Variants in KNTC1 observed in about 807,000 individuals in gnomAD.
KNTC1 encodes kinetochore associated 1, also known as kinetochore-associated protein 1.
KNTC1 carries 253 observed loss-of-function variants against 314.4 expected under a neutral mutation model. That is an observed-to-expected ratio of 0.80 (90% CI 0.73 to 0.89). KNTC1 has a LOEUF of 0.89. Ranked by LOEUF, KNTC1 falls within the 40% of genes least tolerant of loss-of-function variation. The pLI, the probability that KNTC1 is intolerant of heterozygous loss-of-function variation, is 0.00. For missense variants in KNTC1, 2,475 were observed against 2,572.9 expected (o/e 0.96, Z 0.82); for synonymous variants, 901 against 901.4 (o/e 1.00, Z 0.01).
chr12:122,549,037 C>G (rs193051105), intron 12 of KNTC1, among the ~76,000 whole-genome samples: 6 of 152,140 alleles, frequency 3.9e-5, no homozygotes, highest in Non-Finnish European at 7.4e-5. Flanking sequence ...TTGCATTTAG[C>G]TTTGTACTGT....
chr12:122,562,384 G>A (rs1252985870), intron 19 of KNTC1, among the ~76,000 whole-genome samples: 1 of 151,724 alleles, frequency 6.6e-6, no homozygotes, highest in Non-Finnish European at 1.5e-5. Flanking sequence ...TACAATTAAT[G>A]TGTATGTGCC....
At chr12:122,602,998 T>G (rs1872140512) in intron 47 of KNTC1, 29 bp from the exon 48 acceptor site, 2 of 1,597,370 alleles carry the variant, frequency 1.3e-6, no homozygotes, top group African/African-American at 1.3e-5. Context: ...GAATATGTGC[T>G]TCAGCCATAA....
chr12:122,618,460 T>G (rs1874017734), intron 58 of KNTC1, 22 bp from the exon 59 acceptor site: 5 of 1,576,622 alleles, frequency 3.2e-6, no homozygotes, highest in Middle Eastern at 1.7e-4. Context: ...ATATCATGGT[T>G]GTTTTTTTGT....
At chr12:122,601,736 C>A in intron 45 of KNTC1, 111 bp downstream of exon 45, 1 of 1,059,690 alleles carries the variant, frequency 9.4e-7, no homozygotes, top group Non-Finnish European at 1.2e-6. Flanking sequence ...TCCCTTTAAA[C>A]TCTGTGGTTT....
At chr12:122,560,701 T>C (rs1963912110) in intron 18 of KNTC1, among the ~76,000 whole-genome samples, 1 of 152,214 alleles carries the variant, frequency 6.6e-6, no homozygotes, top group South Asian at 2.1e-4. Context: ...TTTAAGGAAC[T>C]ACCATGTTTT....
In KNTC1 at chr12:122,621,613, G is replaced by A. The variant is rs757593774; in HGVS notation, c.6280-268G>A. The stretch of plus-strand genomic sequence containing the variant: ...GCCTCCCAAAGTGTTGGGATTATAG[G>A]CATGAGCCACTGCGCCCAGCTGAAC... On this transcript the variant is annotated intron_variant, in intron 60 of 63. Coordinates refer to ENST00000333479, the MANE Select transcript of KNTC1 (RefSeq NM_014708.6). Among the ~76,000 whole-genome samples, 14 of 152,190 alleles carry A rather than the reference G, an allele frequency of 9.2e-5. 1 individual carries two copies. The highest frequency in any genetic ancestry group is 1.6e-4 in the Non-Finnish European group (11 of 68,036).
chr12:122,595,367 C>T (rs1870896576), intron 43 of KNTC1, among the ~76,000 whole-genome samples: 1 of 152,098 alleles, frequency 6.6e-6, no homozygotes, highest in Non-Finnish European at 1.5e-5. Context: ...GCATATGTTG[C>T]CAGTTGATAT....
chr12:122,546,064 T>C, intron 8 of KNTC1, 112 bp from the exon 9 acceptor site: 2 of 680,732 alleles, frequency 2.9e-6, no homozygotes, highest in African/African-American at 1.8e-5. Context: ...AGTTAGAATA[T>C]GTAAATATAT....
chr12:122,542,228 A>G, intron 6 of KNTC1, 101 bp downstream of exon 6: 1 of 775,308 alleles, frequency 1.3e-6, no homozygotes, highest in Non-Finnish European at 1.9e-6. Context: ...AGCTTATTTT[A>G]TCTTACTTGT....
intron 40 of KNTC1, among the ~76,000 whole-genome samples, chr12:122,589,312 T>G (rs1401918923): frequency 6.6e-6 from 1 of 151,724 alleles, no homozygotes. Flanking sequence ...CCATTACCCT[T>G]TATTTTTTAA....
chr12:122,576,785 T>C (rs1965056266), intron 29 of KNTC1, 110 bp from the exon 30 acceptor site: 1 of 712,244 alleles, frequency 1.4e-6, no homozygotes, highest in East Asian at 3.0e-5. Context: ...TACAATTTAG[T>C]TTTTTGCTGC....
At chr12:122,566,758 GT>G (rs35657504) in intron 20 of KNTC1, among the ~76,000 whole-genome samples, 1,622 of 92,404 alleles carry the variant, frequency 0.018, 13 homozygotes, top group African/African-American at 0.061. Context: ...GTCCAGGCTG[GT>G]TTTTTTTTTT....
At chr12:122,598,421 C>T (rs202221647) in intron 44 of KNTC1, among the ~76,000 whole-genome samples, 41 of 124,240 alleles carry the variant, frequency 3.3e-4, no homozygotes, top group South Asian at 7.5e-4. Context: ...TTTTTCTTTT[C>T]TTTTTTTTTT....
intron 40 of KNTC1, 72 bp from the exon 41 acceptor site, chr12:122,590,535 G>T: frequency 7.4e-6 from 10 of 1,343,620 alleles, no homozygotes; most frequent in Admixed American, 2.3e-5. Context: ...TTGTATTTCT[G>T]CCCTTTGTGA....
chr12:122,546,226 A>G lies in KNTC1; in HGVS notation c.720A>G (p.Lys240=), dbSNP rs892435403. 6 of 1,609,208 alleles carry G rather than the reference A, an allele frequency of 3.7e-6. No individual in the cohort carries two copies. The African/African-American group carries it at 8.0e-5, about 22-fold the overall frequency. ...FSKWEPDSSK[K]GMTVKNLIDA... The stretch of plus-strand genomic sequence containing the variant: ...AATGGGAACCAGATTCTTCCAAGAA[A>G]GGAATGACAGTTAAGAACCTTATTG... Residue 240 remains lysine, a synonymous_variant, in exon 9 of 64, where the codon AAA becomes AAG. Coordinates refer to ENST00000333479, the MANE Select transcript of KNTC1 (RefSeq NM_014708.6).
Position 122,571,056 on chromosome 12 carries a change from C to G in KNTC1, c.1949C>G (p.Ala650Gly). 1 of 1,613,524 alleles carries G rather than the reference C, an allele frequency of 6.2e-7. No homozygotes were observed. Among genetic ancestry groups the G allele is most frequent in the Non-Finnish European group, 8.5e-7 (1 of 1,179,658 alleles). The change falls in exon 24 of 64, where the codon GCA becomes GGA. Residue 650 changes from alanine (A) to glycine (G), a missense_variant. By Grantham distance (60) the Ala-to-Gly change is moderately conservative (BLOSUM62 0). Coordinates refer to ENST00000333479, the MANE Select transcript of KNTC1 (RefSeq NM_014708.6). ...ANWPENGLQL[A>G]EIFFTAEKTD... ...TGGCCAGAAAATGGACTTCAATTGGCAGAGATATTTTTTACAGCAGAAAAA... is the reference window on the plus strand; with the variant it reads ...TGGCCAGAAAATGGACTTCAATTGGGAGAGATATTTTTTACAGCAGAAAAA...
intron 24 of KNTC1, among the ~76,000 whole-genome samples, chr12:122,571,726 G>A (rs1964699628): frequency 6.6e-6 from 1 of 151,762 alleles, no homozygotes; most frequent in Non-Finnish European, 1.5e-5. Flanking sequence ...CTGGAGTGCA[G>A]TGGTGCGATC....
intron 59 of KNTC1, among the ~76,000 whole-genome samples, chr12:122,619,711 C>T (rs1353764845): frequency 6.6e-6 from 1 of 152,080 alleles, no homozygotes; most frequent in Non-Finnish European, 1.5e-5. Context: ...CGCGCCCGGC[C>T]AACACTTGTT....
Position 122,527,341 on chromosome 12 carries a change from T to G in KNTC1, c.-84T>G. On this transcript the variant is annotated 5_prime_UTR_variant, in exon 1 of 64. Coordinates refer to ENST00000333479, the MANE Select transcript of KNTC1 (RefSeq NM_014708.6). ...TATCTGAGTGTTCCTCTTTAGTTTCTTCAATTGCAGGTGAGGACGGGGAGC... is the reference window on the plus strand; with the variant it reads ...TATCTGAGTGTTCCTCTTTAGTTTCGTCAATTGCAGGTGAGGACGGGGAGC... The G allele has an allele frequency of 5.8e-6, 1 of 171,200 alleles. No homozygotes were observed. The highest frequency in any genetic ancestry group is 1.3e-5 in the Non-Finnish European group (1 of 79,008). The allele number at this position is 171,200 out of a possible 1,614,324, so 10.6% of individuals were successfully genotyped here.
Sources: allele counts gnomAD v4.1 joint callset (sites outside exome capture counted in the v4.1 genomes callset), GRCh38; gene constraint gnomAD v4.1.1; transcripts MANE v1.5; gene names NCBI Gene and HGNC (gene_info 2026-07-23, HGNC 2026-07-21).